Variants in IRF2BP2 observed in about 807,000 individuals in gnomAD.
IRF2BP2 encodes the protein interferon regulatory factor 2 binding protein 2.
IRF2BP2 carries 13 observed loss-of-function variants against 32.7 expected under a neutral mutation model. The ratio of observed to expected loss-of-function variants is 0.40; its 90% CI spans 0.26 to 0.63. IRF2BP2 has a LOEUF of 0.63. Ranked by LOEUF, IRF2BP2 falls within the 30% of genes least tolerant of loss-of-function variation. IRF2BP2 has a pLI of 0.42. For missense variants in IRF2BP2, 980 were observed against 830.6 expected, an observed-to-expected ratio of 1.18 and a Z score of -2.21; for synonymous variants, 555 against 384.6, an observed-to-expected ratio of 1.44 and a Z score of -5.18.
chr1:234,608,022 C>T lies in IRF2BP2; in HGVS notation c.1049-170G>A, dbSNP rs967894315. 4.0e-5 allele frequency: 24 copies of T among 596,196 alleles called. No homozygotes were observed. In the African/African-American group the frequency reaches 4.1e-4, roughly 10 times the overall value. The allele number at this position is 596,196 out of a possible 1,614,324, so 36.9% of individuals were successfully genotyped here. On this transcript the variant is annotated intron_variant, in intron 1 of 1. Transcript: ENST00000366609. The stretch of plus-strand genomic sequence containing the variant: ...TTCAGGTGCACATGCAACTTAAAAC[C>T]TTCAGGCGTACGGGATTCTGAGGCA...
Position 234,609,527 on chromosome 1 carries a change from C to A in IRF2BP2, c.-33G>T, listed in dbSNP as rs937626947. 5.1e-6 allele frequency: 7 copies of A among 1,367,756 alleles called. No individual in the cohort carries two copies. Among genetic ancestry groups the A allele is most frequent in the Admixed American group, 2.7e-5 (1 of 36,582 alleles). The allele number at this position is 1,367,756 out of a possible 1,614,324, so 84.7% of individuals were successfully genotyped here. A position where few individuals can be genotyped will look rare whatever the true frequency, so the allele number is the denominator to read the frequency against. On this transcript the variant is annotated 5_prime_UTR_variant, in exon 1 of 2. Coordinates refer to ENST00000366609, the MANE Select transcript of IRF2BP2 (RefSeq NM_182972.3). ...GAGCCCGCGACGCCGGAGGAGGAGG[C>A]GGAGGAGGAGGAGGGGGCGCCGCCG...
In IRF2BP2 at chr1:234,608,942, G is replaced by A. The variant is rs748975490; in HGVS notation, c.553C>T (p.Pro185Ser). 5.1e-6 allele frequency: 7 copies of A among 1,360,992 alleles called. No individual in the cohort carries two copies. The highest frequency in any genetic ancestry group is 6.6e-6 in the Non-Finnish European group (7 of 1,061,714). 84.3% of individuals were successfully genotyped at this position (1,360,992 alleles called of 1,614,324 possible). The change falls in exon 1 of 2, where the codon CCG becomes TCG. Residue 185 changes from proline to serine, a missense_variant. Pro to Ser is a moderately conservative substitution (Grantham distance 74). Coordinates refer to ENST00000366609, the MANE Select transcript of IRF2BP2 (RefSeq NM_182972.3). ...SPNPRRGHAV[P>S]PTLVPLMNGS... ...TTCATGAGCGGCACCAGGGTGGGCG[G>A]CACCGCGTGGCCGCGCCGCGGGTTC...
At position 234,607,705 on chromosome 1, in the gene IRF2BP2, G is replaced by A. The variant is rs1672201162; in HGVS notation, c.1196C>T (p.Ser399Phe). The part of the protein sequence containing the change: ...IPMTPTSSFV[S>F]PPPPTASPHS... ...AGGTGAGGCAGTGGGTGGTGGCGGAGACACAAAAGAGGATGTAGGAGTCAT... is the reference window on the plus strand; with the variant it reads ...AGGTGAGGCAGTGGGTGGTGGCGGAAACACAAAAGAGGATGTAGGAGTCAT... The change falls in exon 2 of 2, where the codon TCT (serine) becomes TTT (phenylalanine). Residue 399 changes from serine (S) to phenylalanine (F), a missense_variant. Coordinates refer to ENST00000366609, the MANE Select transcript of IRF2BP2 (RefSeq NM_182972.3). 1 of 1,614,196 alleles carries A rather than the reference G, an allele frequency of 6.2e-7. No individual in the cohort carries two copies. Among genetic ancestry groups the A allele is most frequent in the African/African-American group, 1.3e-5 (1 of 75,056 alleles).
rs978274870 is a variant in IRF2BP2 at position 234,606,981 on chromosome 1, G to C, written c.*156C>G. 41 of 596,938 alleles carry C rather than the reference G, an allele frequency of 6.9e-5. No individual in the cohort carries two copies. Among genetic ancestry groups the C allele is most frequent in the Middle Eastern group, 9.2e-4 (2 of 2,164 alleles). 37.0% of individuals were successfully genotyped at this position (596,938 alleles called of 1,614,324 possible). On this transcript the variant is annotated 3_prime_UTR_variant, in exon 2 of 2. Coordinates refer to ENST00000366609, the MANE Select transcript of IRF2BP2 (RefSeq NM_182972.3). Reference sequence around the variant, plus strand: ...ACCTTTTGTCGTCAAAAAAAATATAGAAACACAATGTATTCAAAAAAAATC... The same window carrying C: ...ACCTTTTGTCGTCAAAAAAAATATACAAACACAATGTATTCAAAAAAAATC...
rs1001589233 is a variant in IRF2BP2, at chr1:234,605,590, T to C, written c.*1547A>G. ...AAAAATCTGTATTTTCAAATGTAAATAGAAGCTAGGCTGTGAACCATACAC... is the reference window on the plus strand; with the variant it reads ...AAAAATCTGTATTTTCAAATGTAAACAGAAGCTAGGCTGTGAACCATACAC... On this transcript the variant is annotated 3_prime_UTR_variant, in exon 2 of 2. Transcript: ENST00000366609. 4 of 152,182 alleles carry C rather than the reference T, an allele frequency of 2.6e-5. No individual in the cohort carries two copies. The highest frequency in any genetic ancestry group is 5.9e-5 in the Non-Finnish European group (4 of 68,030). The allele number at this position is 152,182 out of a possible 1,614,324, so 9.4% of individuals were successfully genotyped here.
In IRF2BP2 at chr1:234,606,672, C is replaced by T. The variant is rs1438443683; in HGVS notation, c.*465G>A. ...GACAACATGCCCGTTCGATCATTTC[C>T]TTTCCTTCTCCACCACTTGGCCTCC... On this transcript the variant is annotated 3_prime_UTR_variant, in exon 2 of 2. Coordinates refer to ENST00000366609, the MANE Select transcript of IRF2BP2 (RefSeq NM_182972.3). 6.4e-6 allele frequency: 1 copy of T among 155,052 alleles called. No individual in the cohort carries two copies. Among genetic ancestry groups the T allele is most frequent in the African/African-American group, 2.4e-5 (1 of 41,486 alleles). 9.6% of individuals were successfully genotyped at this position (155,052 alleles called of 1,614,324 possible).
rs201785261 is a variant in IRF2BP2, at chr1:234,608,709, C to T, written c.786G>A (p.Pro262=). ...REAAAKEKQP[P]PPAHRGPADS... is the part of the protein sequence containing the mutation. Reference sequence around the variant, plus strand: ...CGGCCGGGCCCCGGTGCGCAGGCGGCGGCGGTTGTTTCTCCTTGGCTGCCG... The same window carrying T: ...CGGCCGGGCCCCGGTGCGCAGGCGGTGGCGGTTGTTTCTCCTTGGCTGCCG... Residue 262 remains proline, a synonymous_variant, in exon 1 of 2, where the codon CCG becomes CCA. Coordinates refer to ENST00000366609, the MANE Select transcript of IRF2BP2 (RefSeq NM_182972.3). The T allele has an allele frequency of 6.7e-7, 1 of 1,503,520 alleles. No homozygotes were observed. The highest frequency in any genetic ancestry group is 1.3e-5 in the South Asian group (1 of 79,930). 93.1% of individuals were successfully genotyped at this position (1,503,520 alleles called of 1,614,324 possible). A position where few individuals can be genotyped will look rare whatever the true frequency, so the allele number is the denominator to read the frequency against.
intron 1 of IRF2BP2, chr1:234,608,206 T>C (rs140335220): frequency 2.3e-4 from 120 of 521,610 alleles, no homozygotes; most frequent in African/African-American, 1.9e-3. Flanking sequence ...CATCCAAGAA[T>C]GTGCTGGGAA....
rs1448050669 is a variant in IRF2BP2 at position 234,608,460 on chromosome 1, G to C, written c.1035C>G (p.Asn345Lys). The C allele has an allele frequency of 1.9e-6, 3 of 1,583,068 alleles. No individual in the cohort carries two copies. Among genetic ancestry groups the C allele is most frequent in the African/African-American group, 2.7e-5 (2 of 73,812 alleles). ...AGCCGCCCCTACCTGCTTTAGACCC[G>C]TTGGCCCCGTTGGCCTCGAAACCCA... ...RLLGFEANGA[N>K]GSKAVARTAR... is the part of the protein sequence containing the mutation. The change falls in exon 1 of 2, where the codon AAC (asparagine) becomes AAG (lysine). Residue 345 changes from asparagine (N) to lysine (K), a missense_variant. Transcript: ENST00000366609.
In IRF2BP2 at chr1:234,608,818, G is replaced by C; in HGVS notation, c.677C>G (p.Ser226Cys). Reference sequence around the variant, plus strand: ...GGCGCCCAGATCGGTGGGCTGCGCGGAGCCCAGGCTGGCGGCCGCGGTTCC... The same window carrying C: ...GGCGCCCAGATCGGTGGGCTGCGCGCAGCCCAGGCTGGCGGCCGCGGTTCC... ...VSGTAAASLG[S>C]AQPTDLGAHK... Residue 226 changes from serine to cysteine, a missense_variant, in exon 1 of 2, where the codon TCC (serine) becomes TGC (cysteine). Transcript: ENST00000366609. The C allele has an allele frequency of 1.4e-6, 2 of 1,379,574 alleles. No individual in the cohort carries two copies. Among genetic ancestry groups the C allele is most frequent in the Non-Finnish European group, 1.9e-6 (2 of 1,075,880 alleles). The allele number at this position is 1,379,574 out of a possible 1,614,324, so 85.5% of individuals were successfully genotyped here.
At position 234,606,752 on chromosome 1, in the gene IRF2BP2, A is replaced by G. The variant is rs1490339171; in HGVS notation, c.*385T>C. ...TGACAGACAGTAAGGCAATCTTACA[A>G]TGTCAGAAAATGTATTTGGCTTTTT... On this transcript the variant is annotated 3_prime_UTR_variant, in exon 2 of 2. Transcript: ENST00000366609. The G allele has an allele frequency of 1.3e-5, 2 of 158,342 alleles. No individual in the cohort carries two copies. Among genetic ancestry groups the G allele is most frequent in the African/African-American group, 2.4e-5 (1 of 41,512 alleles). 9.8% of individuals were successfully genotyped at this position (158,342 alleles called of 1,614,324 possible). A position where few individuals can be genotyped will look rare whatever the true frequency, so the allele number is the denominator to read the frequency against.
Position 234,608,426 on chromosome 1 carries a change from T to A in IRF2BP2, c.1048+21A>T. The A allele has an allele frequency of 2.0e-6, 3 of 1,474,864 alleles. No individual in the cohort carries two copies. In the South Asian group the frequency reaches 4.1e-5, roughly 20 times the overall value. 91.4% of individuals were successfully genotyped at this position (1,474,864 alleles called of 1,614,324 possible). A position where few individuals can be genotyped will look rare whatever the true frequency, so the allele number is the denominator to read the frequency against. On this transcript the variant is annotated intron_variant, in intron 1 of 1. Coordinates refer to ENST00000366609, the MANE Select transcript of IRF2BP2 (RefSeq NM_182972.3). ...GTCCCCTTTTCTCCCCTAGACCCCCTCACTTCACAGCCGCCCCTACCTGCT... is the reference window on the plus strand; with the variant it reads ...GTCCCCTTTTCTCCCCTAGACCCCCACACTTCACAGCCGCCCCTACCTGCT...
rs777343610 is a variant in IRF2BP2 at position 234,607,245 on chromosome 1, C to T, written c.1656G>A (p.Gly552=). ...GASGEVYCPS[G]EKCPLVGSNV... ...TGGAGCCCACAAGAGGGCATTTTTC[C>T]CCACTGGGACAATAGACCTCTCCAC... The change falls in exon 2 of 2, where the codon GGG becomes GGA. Residue 552 remains glycine, a synonymous_variant. Coordinates refer to ENST00000366609, the MANE Select transcript of IRF2BP2 (RefSeq NM_182972.3). 5.0e-6 allele frequency: 8 copies of T among 1,614,098 alleles called. No homozygotes were observed. The highest frequency in any genetic ancestry group is 1.7e-5 in the Admixed American group (1 of 60,008).
Position 234,609,395 on chromosome 1 carries a change from C to T in IRF2BP2, c.100G>A (p.Glu34Lys). 2 of 1,564,436 alleles carry T rather than the reference C, an allele frequency of 1.3e-6. No individual in the cohort carries two copies. Among genetic ancestry groups the T allele is most frequent in the South Asian group, 1.2e-5 (1 of 86,020 alleles). Residue 34 changes from glutamate to lysine, a missense_variant, in exon 1 of 2, where the codon GAA (glutamate) becomes AAA (lysine). Glu to Lys is a moderately conservative substitution (Grantham distance 56, BLOSUM62 1). Coordinates refer to ENST00000366609, the MANE Select transcript of IRF2BP2 (RefSeq NM_182972.3). ...TTGACGCAGCCGCGGCAGACGGGTT[C>T]GGTGAAGTCCCAGATCATGGCCCAG... The part of the protein sequence containing the change: ...MPWAMIWDFT[E>K]PVCRGCVNYE...
rs749581056 is a variant in IRF2BP2 at position 234,607,614 on chromosome 1, G to A, written c.1287C>T (p.Ile429=). ...TGCCCCCTGCATTGTCTGCTACTAA[G>A]ATCAGGGCTGCCATGGGGGACTGGC... ...QNGQSPMAAL[I]LVADNAGGSH... Residue 429 remains isoleucine (I), a synonymous_variant, in exon 2 of 2, where the codon ATC becomes ATT. Coordinates refer to ENST00000366609, the MANE Select transcript of IRF2BP2 (RefSeq NM_182972.3). The A allele has an allele frequency of 2.5e-6, 4 of 1,614,248 alleles. No homozygotes were observed. The highest frequency in any genetic ancestry group is 2.2e-5 in the South Asian group (2 of 91,082).
In IRF2BP2 at chr1:234,607,687, G is replaced by A. The variant is rs767330291; in HGVS notation, c.1214C>T (p.Ala405Val). Residue 405 changes from alanine to valine, a missense_variant, in exon 2 of 2, where the codon GCC becomes GTC. Ala to Val is a moderately conservative substitution (Grantham distance 64, BLOSUM62 0). Coordinates refer to ENST00000366609, the MANE Select transcript of IRF2BP2 (RefSeq NM_182972.3). ...TGTGGTCCGGTTGGAATGAGGTGAG[G>A]CAGTGGGTGGTGGCGGAGACACAAA... ...SSFVSPPPPTASPHSNRTTPP... is the reference protein window; with the variant it reads ...SSFVSPPPPTVSPHSNRTTPP... The A allele has an allele frequency of 3.1e-6, 5 of 1,614,210 alleles. No individual in the cohort carries two copies. Among genetic ancestry groups the A allele is most frequent in the East Asian group, 2.2e-5 (1 of 44,888 alleles).
chr1:234,607,096 T>C lies in IRF2BP2; in HGVS notation c.*41A>G. Reference sequence around the variant, plus strand: ...GATATATATACAATTCAAGCAGTTTTAATTAAGGGTAATCATTGGGTTTTT... The same window carrying C: ...GATATATATACAATTCAAGCAGTTTCAATTAAGGGTAATCATTGGGTTTTT... On this transcript the variant is annotated 3_prime_UTR_variant, in exon 2 of 2. Coordinates refer to ENST00000366609, the MANE Select transcript of IRF2BP2 (RefSeq NM_182972.3). The C allele has an allele frequency of 7.0e-7, 1 of 1,430,300 alleles. No individual in the cohort carries two copies. The highest frequency in any genetic ancestry group is 2.3e-5 in the East Asian group (1 of 43,760). The allele number at this position is 1,430,300 out of a possible 1,614,324, so 88.6% of individuals were successfully genotyped here. A position where few individuals can be genotyped will look rare whatever the true frequency, so the allele number is the denominator to read the frequency against.
intron 1 of IRF2BP2, 57 bp from the exon 2 acceptor site, chr1:234,607,909 G>T (rs1357523545): frequency 7.5e-7 from 1 of 1,338,706 alleles, no homozygotes; most frequent in Non-Finnish European, 1.0e-6. Flanking sequence ...TGCACTGAAA[G>T]AGATCATTCT....
intron 1 of IRF2BP2, chr1:234,608,113 A>G: frequency 1.8e-6 from 1 of 545,066 alleles, no homozygotes; most frequent in Non-Finnish European, 3.2e-6. Context: ...GTACACATGC[A>G]CAAAAGTACC....
Sources: allele counts gnomAD v4.1 joint callset, GRCh38; gene constraint gnomAD v4.1.1; transcripts MANE v1.5; gene names NCBI Gene and HGNC (gene_info 2026-07-23, HGNC 2026-07-21).